LSR: variants seen among roughly 807,000 people sequenced by gnomAD.
The protein encoded by LSR is lipolysis stimulated lipoprotein receptor.
A neutral mutation model predicts 61.8 loss-of-function variants in LSR; 44 were observed. The observed-to-expected ratio is 0.71, with a 90% CI of 0.56 to 0.91. LSR has a LOEUF of 0.91. LSR is among the 40% of genes least tolerant of loss of function. The pLI, the probability that LSR is intolerant of heterozygous loss-of-function variation, is 0.00. For missense variants in LSR, 911 were observed against 830.5 expected (o/e 1.10, Z -1.19); for synonymous variants, 397 against 350.6 (o/e 1.13, Z -1.48).
At chr19:35,258,820 C>T (rs2065887555) in intron 2 of LSR, 125 bp from the exon 3 acceptor site, 2 of 1,202,790 alleles carry the variant, frequency 1.7e-6, no homozygotes, top group South Asian at 1.2e-5. Flanking sequence ...TGCATTTGAT[C>T]ATCTGCAGCC....
Position 35,266,732 on chromosome 19 carries a change from G to GAT in LSR, c.1006_1007insAT (p.Ala336AspfsTer49). On this transcript the variant is annotated frameshift_variant, in exon 7 of 10. Coordinates refer to ENST00000605618, the MANE Select transcript of LSR (RefSeq NM_205834.4). LOFTEE classifies it high-confidence loss of function. ...GCTTCGGGACACGGACAGCAGTGTGGCCTCTGGTGAGAATCCATCGTCCCG... is the reference window on the plus strand; with the variant it reads ...GCTTCGGGACACGGACAGCAGTGTGGATCCTCTGGTGAGAATCCATCGTCCCG... 1 of 1,608,960 alleles carries GAT rather than the reference G, an allele frequency of 6.2e-7. No individual in the cohort carries two copies. Among genetic ancestry groups the GAT allele is most frequent in the Non-Finnish European group, 8.5e-7 (1 of 1,178,022 alleles).
intron 5 of LSR, among the ~76,000 whole-genome samples, chr19:35,263,838 ACT>A (rs2065962589): frequency 6.8e-6 from 1 of 147,334 alleles, no homozygotes; most frequent in African/African-American, 2.5e-5. Flanking sequence ...AGACAGTTTC[ACT>A]CTGTCGCCCA....
rs1386166205 is a variant in LSR, at chr19:35,266,665, C to T, written c.953-14C>T. ...GCTCCTGGTGCGCGGCCACTGACAG[C>T]CACTCTCCCCCAGCTGGTGGCCAAG... On this transcript the variant is annotated splice_polypyrimidine_tract_variant and intron_variant, in intron 6 of 9. Coordinates refer to ENST00000605618, the MANE Select transcript of LSR (RefSeq NM_205834.4). The T allele has an allele frequency of 6.2e-7, 1 of 1,604,872 alleles. No individual in the cohort carries two copies. The highest frequency in any genetic ancestry group is 8.5e-7 in the Non-Finnish European group (1 of 1,176,412).
At chr19:35,253,232 A>G (rs1205021599) in intron 2 of LSR, 2 of 152,298 alleles carry the variant, frequency 1.3e-5, no homozygotes, top group African/African-American at 2.4e-5. Flanking sequence ...AGGCAGGAGA[A>G]TCGCTTGAAC....
chr19:35,249,066 A>G lies in LSR; in HGVS notation c.44A>G (p.His15Arg). The change falls in exon 1 of 10, where the codon CAC becomes CGC. Residue 15 changes from histidine to arginine, a missense_variant. Physicochemically the swap from His to Arg is conservative, Grantham distance 29 (BLOSUM62 0). Coordinates refer to ENST00000605618, the MANE Select transcript of LSR (RefSeq NM_205834.4). ...GGGCTCTCCAGAGGGCTGGGCTCCC[A>G]CCCGGCCGCCGCAGGCCGGGACGCG... ...AGGLSRGLGS[H>R]PAAAGRDAVV... is the part of the protein sequence containing the mutation. 2 of 1,566,648 alleles carry G rather than the reference A, an allele frequency of 1.3e-6. No homozygotes were observed. The highest frequency in any genetic ancestry group is 8.6e-7 in the Non-Finnish European group (1 of 1,157,822).
At chr19:35,259,119 C>G in intron 3 of LSR, 55 bp downstream of exon 3, 1 of 1,580,164 alleles carries the variant, frequency 6.3e-7, no homozygotes. Flanking sequence ...CGCTTCTGTT[C>G]TGTCTGCCCT....
In LSR at chr19:35,267,216, C is replaced by T. The variant is rs1480116370; in HGVS notation, c.1252C>T (p.Arg418Trp). 2.0e-6 allele frequency: 3 copies of T among 1,522,026 alleles called. No individual in the cohort carries two copies. Among genetic ancestry groups the T allele is most frequent in the South Asian group, 1.3e-5 (1 of 75,842 alleles). The allele number at this position is 1,522,026 out of a possible 1,614,324, so 94.3% of individuals were successfully genotyped here. Residue 418 changes from arginine (R) to tryptophan (W), a missense_variant, in exon 9 of 10, where the codon CGG becomes TGG. By Grantham distance (101) the Arg-to-Trp change is moderately radical. Coordinates refer to ENST00000605618, the MANE Select transcript of LSR (RefSeq NM_205834.4). ...RDEEWGGHSP[R>W]SPRGWDQEPA... ...TGAGGAGTGGGGTGGCCACTCCCCC[C>T]GGAGTCCCAGGGGATGGGACCAGGA...
chr19:35,258,052 C>A (rs1166942179), intron 2 of LSR, among the ~76,000 whole-genome samples: 1 of 152,130 alleles, frequency 6.6e-6, no homozygotes, highest in Non-Finnish European at 1.5e-5. Context: ...TCTCCACACC[C>A]ATCCCTGGGG....
At chr19:35,254,916 G>A (rs2065838964) in intron 2 of LSR, among the ~76,000 whole-genome samples, 1 of 152,164 alleles carries the variant, frequency 6.6e-6, no homozygotes, top group African/African-American at 2.4e-5. Context: ...TCCAGCCTCG[G>A]CCTACAAGAT....
chr19:35,261,860 T>G (rs2065933589), intron 3 of LSR, 65 bp from the exon 4 acceptor site: 2 of 1,194,446 alleles, frequency 1.7e-6, no homozygotes, highest in Non-Finnish European at 2.3e-6. Context: ...GAGCTGGGCT[T>G]TCGGGGGTGG....
intron 5 of LSR, 148 bp from the exon 6 acceptor site, chr19:35,266,211 A>G (rs2145545423): frequency 3.3e-6 from 2 of 597,354 alleles, no homozygotes; most frequent in East Asian, 2.8e-5. Flanking sequence ...ATGAGGACCA[A>G]CAGGGACTCA....
rs766052565 is a variant in LSR, at chr19:35,266,489, GTACCCTGGAGGA to G, written c.920_931del (p.Gly307_Gly310del). 3.7e-6 allele frequency: 6 copies of G among 1,611,772 alleles called. No individual in the cohort carries two copies. The highest frequency in any genetic ancestry group is 1.7e-5 in the Admixed American group (1 of 59,768). On this transcript the variant is annotated inframe_deletion, in exon 6 of 10. Transcript: ENST00000605618. ...TTCCCATGGGCCCTGCCTACAACGGGTACCCTGGAGGATACCCTGGAGACGTTGACAGGAGTA... is the reference window on the plus strand; with the variant it reads ...TTCCCATGGGCCCTGCCTACAACGGGTACCCTGGAGACGTTGACAGGAGTA...
chr19:35,266,805 C>T (rs780307138), intron 7 of LSR, 31 bp from the exon 8 acceptor site: 5 of 1,607,332 alleles, frequency 3.1e-6, no homozygotes, highest in Non-Finnish European at 4.2e-6. Flanking sequence ...GATCCATCCT[C>T]CCAAACCGAC....
chr19:35,267,005 G>C (rs775065591), intron 8 of LSR, 38 bp downstream of exon 8: 5 of 1,583,334 alleles, frequency 3.2e-6, no homozygotes, highest in East Asian at 2.2e-5. Flanking sequence ...CTTTTAAGGT[G>C]GGGGGGTGAA....
At chr19:35,257,380 G>A (rs1485709505) in intron 2 of LSR, among the ~76,000 whole-genome samples, 1 of 152,148 alleles carries the variant, frequency 6.6e-6, no homozygotes, top group African/African-American at 2.4e-5. Flanking sequence ...AGGCTGGCAC[G>A]GTAGCTAGAG....
In LSR at chr19:35,267,811, TTC is replaced by T; in HGVS notation, c.1771-10_1771-9del. The stretch of plus-strand genomic sequence containing the variant: ...CCCCGCGGCTCATACCCTTCTTTCT[TTC>T]TCCCTTGCAGAACTTGGCCCTGAGT... On this transcript the variant is annotated splice_polypyrimidine_tract_variant and intron_variant, in intron 9 of 9. Transcript: ENST00000605618. 6.2e-7 allele frequency: 1 copy of T among 1,613,940 alleles called. No individual in the cohort carries two copies. The highest frequency in any genetic ancestry group is 8.5e-7 in the Non-Finnish European group (1 of 1,179,936).
intron 4 of LSR, 87 bp from the exon 5 acceptor site, chr19:35,262,459 G>C (rs2065942684): frequency 2.0e-6 from 3 of 1,477,924 alleles, no homozygotes; most frequent in South Asian, 1.2e-5. Context: ...CGACCTCAGT[G>C]CTGGCTCCGC....
chr19:35,262,602 G>A lies in LSR; in HGVS notation c.688G>A (p.Gly230Ser). 6.2e-7 allele frequency: 1 copy of A among 1,614,146 alleles called. No homozygotes were observed. Among genetic ancestry groups the A allele is most frequent in the Non-Finnish European group, 8.5e-7 (1 of 1,180,032 alleles). Reference sequence around the variant, plus strand: ...TGCCTTCCTCATCTTCCTCCTCCTGGGCATCTGCTGGTGCCAGTGCTGCCC... The same window carrying A: ...TGCCTTCCTCATCTTCCTCCTCCTGAGCATCTGCTGGTGCCAGTGCTGCCC... Reference protein sequence around the residue: ...LAAFLIFLLLGICWCQCCPHT... With the variant: ...LAAFLIFLLLSICWCQCCPHT... The change falls in exon 5 of 10, where the codon GGC (glycine) becomes AGC (serine). Residue 230 changes from glycine to serine, a missense_variant. Physicochemically the swap from Gly to Ser is moderately conservative, Grantham distance 56. Coordinates refer to ENST00000605618, the MANE Select transcript of LSR (RefSeq NM_205834.4).
intron 2 of LSR, among the ~76,000 whole-genome samples, chr19:35,254,981 G>A (rs2065839793): frequency 6.6e-6 from 1 of 152,168 alleles, no homozygotes; most frequent in South Asian, 2.1e-4. Context: ...GGCGGTTCCT[G>A]TCCACCTCTT....
Sources: allele counts gnomAD v4.1 joint callset (sites outside exome capture counted in the v4.1 genomes callset), GRCh38; gene constraint gnomAD v4.1.1; transcripts MANE v1.5; gene names NCBI Gene and HGNC (gene_info 2026-07-23, HGNC 2026-07-21).